Variants in DST observed in about 807,000 individuals in gnomAD.
The protein encoded by DST is dystonin.
A neutral mutation model predicts 875.2 loss-of-function variants in DST; 253 were observed. The ratio of observed to expected loss-of-function variants is 0.29; its 90% confidence interval spans 0.26 to 0.32. The LOEUF (loss-of-function observed/expected upper bound fraction) is 0.32. Ranked by LOEUF, DST falls within the 10% of genes least tolerant of loss-of-function variation. The probability of loss-of-function intolerance (pLI) is 1.00; values close to 1 mark genes in which losing one functional copy is unlikely to be tolerated. For missense variants in DST, 8,287 were observed against 9,111.6 expected (o/e 0.91, Z 3.68); for synonymous variants, 3,124 against 3,197.1 (o/e 0.98, Z 0.77).
In DST at chr6:56,798,992, G is replaced by A. The variant is rs1187126656; in HGVS notation, c.625+52405C>T. On this transcript the variant is annotated intron_variant, in intron 4 of 103. Coordinates refer to ENST00000680361, the MANE Select transcript of DST (RefSeq NM_001374736.1). Reference sequence around the variant, plus strand: ...TTGCTGCAATCTCATGAGCAAACTTGAATGAATGAGGAGTTGCTTCTTATG... The same window carrying A: ...TTGCTGCAATCTCATGAGCAAACTTAAATGAATGAGGAGTTGCTTCTTATG... Among the ~76,000 whole-genome samples the A allele has an allele frequency of 2.0e-5, 3 of 152,342 alleles. No homozygotes were observed. The South Asian group carries it at 6.2e-4, about 32-fold the overall frequency.
intron 2 of DST, 63 bp from the exon 3 acceptor site, chr6:56,900,684 A>G (rs943996092): frequency 1.6e-6 from 2 of 1,235,938 alleles, no homozygotes; most frequent in Non-Finnish European, 2.1e-6. Flanking sequence ...GAAGTTCTCC[A>G]TGGCTAGTTA....
At chr6:56,781,260 A>G (rs2152991712) in intron 4 of DST, among the ~76,000 whole-genome samples, 1 of 152,354 alleles carries the variant, frequency 6.6e-6, no homozygotes, top group African/African-American at 2.4e-5. Flanking sequence ...TCTGTGAAGA[A>G]AGTCATTGGT....
intron 9 of DST, chr6:56,692,993 C>T: frequency 3.9e-6 from 5 of 1,289,778 alleles, no homozygotes; most frequent in Non-Finnish European, 5.1e-6. Flanking sequence ...TCATTGTTTG[C>T]CCCAACTGAC....
chr6:56,952,065 A>G (rs977205572), intron 2 of DST, among the ~76,000 whole-genome samples: 11 of 152,178 alleles, frequency 7.2e-5, no homozygotes, highest in African/African-American at 2.7e-4. Context: ...CCTAAACAAG[A>G]AAGATATGGT....
At chr6:56,638,290 C>G (rs1469741309) in intron 22 of DST, among the ~76,000 whole-genome samples, 1 of 152,054 alleles carries the variant, frequency 6.6e-6, no homozygotes, top group East Asian at 1.9e-4. Flanking sequence ...ACTCTCCTTT[C>G]CCTAAAGATT....
chr6:56,636,696 A>G, intron 22 of DST, 44 bp from the exon 23 acceptor site: 1 of 1,449,012 alleles, frequency 6.9e-7, no homozygotes, highest in Non-Finnish European at 9.7e-7. Flanking sequence ...GGGGAGAAAT[A>G]AGGCACACAT....
intron 69 of DST, among the ~76,000 whole-genome samples, chr6:56,523,908 T>C (rs1583966640): frequency 1.3e-5 from 2 of 152,128 alleles, no homozygotes; most frequent in Non-Finnish European, 2.9e-5. Flanking sequence ...TCTAAAAAGA[T>C]GAGCTCAGGT....
chr6:56,470,281 C>T lies in DST; in HGVS notation c.22323G>A (p.Lys7441=), dbSNP rs1205142405. The change falls in exon 96 of 104, where the codon AAG becomes AAA. Residue 7441 remains lysine, a splice_region_variant and synonymous_variant. Coordinates refer to ENST00000680361, the MANE Select transcript of DST (RefSeq NM_001374736.1). ...QEFIDGILSS[K]FPTSRLEMSA... ...TCATCTCCAAGCGACTGGTTGGAAACTCTAAAATTTTGAAAACAATGGTAA... is the reference window on the plus strand; with the variant it reads ...TCATCTCCAAGCGACTGGTTGGAAATTCTAAAATTTTGAAAACAATGGTAA... 6 of 1,593,804 alleles carry T rather than the reference C, an allele frequency of 3.8e-6. No individual in the cohort carries two copies. Among genetic ancestry groups the T allele is most frequent in the Middle Eastern group, 3.3e-4 (2 of 5,974 alleles).
At position 56,608,561 on chromosome 6, in the gene DST, TG is replaced by T; in HGVS notation, c.6066del (p.Ser2022ArgfsTer22). On this transcript the variant is annotated frameshift_variant, in exon 40 of 104. Coordinates refer to ENST00000680361, the MANE Select transcript of DST (RefSeq NM_001374736.1). LOFTEE classifies it high-confidence loss of function. ...REGVIDRDTA[S>X]SILTYQVQTG... ...GTTTGAACCTGATATGTGAGGATAC[TG>T]CTAGCAGTGTCCCTGTCAATCACCC... The T allele has an allele frequency of 6.2e-7, 1 of 1,613,550 alleles. No individual in the cohort carries two copies. The highest frequency in any genetic ancestry group is 1.1e-5 in the South Asian group (1 of 91,048).
At chr6:56,556,293 G>T (rs895109007) in intron 59 of DST, among the ~76,000 whole-genome samples, 7 of 151,984 alleles carry the variant, frequency 4.6e-5, no homozygotes, top group Admixed American at 6.6e-5. Context: ...GAGTTGCAAA[G>T]GTTTTTGTAA....
intron 4 of DST, among the ~76,000 whole-genome samples, chr6:56,793,734 C>CA (rs1362864788): frequency 4.6e-5 from 7 of 151,862 alleles, no homozygotes; most frequent in Admixed American, 3.3e-4. Context: ...ATCAATTTAC[C>CA]AAAAAACAGT....
chr6:56,871,172 C>T, intron 3 of DST: 1 of 721,830 alleles, frequency 1.4e-6, no homozygotes, highest in Non-Finnish European at 2.5e-6. Flanking sequence ...CCCTAAGTGG[C>T]CTGAGGTAGT....
At chr6:56,841,801 G>A (rs1365515002) in intron 4 of DST, among the ~76,000 whole-genome samples, 1 of 151,908 alleles carries the variant, frequency 6.6e-6, no homozygotes, top group African/African-American at 2.4e-5. Flanking sequence ...TTAAAATGGA[G>A]TGATGCAGGT....
intron 2 of DST, among the ~76,000 whole-genome samples, chr6:56,913,534 G>A (rs1799619233): frequency 6.6e-6 from 1 of 152,276 alleles, no homozygotes. Flanking sequence ...CACAAACACA[G>A]AGTTAAGTAG....
intron 102 of DST, chr6:56,460,769 CTT>C (rs913072010): frequency 2.0e-5 from 3 of 152,130 alleles, no homozygotes; most frequent in African/African-American, 7.2e-5. Flanking sequence ...TTTAAATAAA[CTT>C]AACTGCAAAA....
chr6:56,622,740 T>A (rs1168788898), intron 36 of DST, among the ~76,000 whole-genome samples: 1 of 152,208 alleles, frequency 6.6e-6, no homozygotes, highest in Non-Finnish European at 1.5e-5. Flanking sequence ...TCTTCCTCAA[T>A]CTTGCCCTTT....
intron 4 of DST, among the ~76,000 whole-genome samples, chr6:56,796,624 G>A (rs2099740178): frequency 6.6e-6 from 1 of 152,170 alleles, no homozygotes; most frequent in African/African-American, 2.4e-5. Context: ...TGGGAGTGGT[G>A]GGGGTGAGTG....
At chr6:56,476,122 C>T (rs368274392) in intron 92 of DST, 27 bp downstream of exon 92, 11 of 1,547,840 alleles carry the variant, frequency 7.1e-6, no homozygotes, top group Non-Finnish European at 9.7e-6. Flanking sequence ...TAATGGTTAA[C>T]AGGAGTTAGG....
At chr6:56,552,054 C>T in intron 61 of DST, 130 bp downstream of exon 61, 1 of 1,092,228 alleles carries the variant, frequency 9.2e-7, no homozygotes, top group South Asian at 1.7e-5. Context: ...CCCATATATG[C>T]TCATTCTGGC....
Sources: allele counts gnomAD v4.1 joint callset (sites outside exome capture counted in the v4.1 genomes callset), GRCh38; gene constraint gnomAD v4.1.1; transcripts MANE v1.5; gene names NCBI Gene and HGNC (gene_info 2026-07-23, HGNC 2026-07-21).